The following MAP2K1 variants were observed in gnomAD, a reference collection of about 807,000 sequenced individuals.
MAP2K1 encodes mitogen-activated protein kinase kinase 1.
Under a neutral mutation model 46.3 loss-of-function variants are expected in MAP2K1, and 16 were observed. The ratio of observed to expected loss-of-function variants is 0.35; its 90% CI spans 0.23 to 0.52. The LOEUF (loss-of-function observed/expected upper bound fraction) is 0.52, where lower values mean the gene tolerates loss of function less well. Ranked by LOEUF, MAP2K1 falls within the 20% of genes least tolerant of loss-of-function variation. The pLI is 0.94. For synonymous variants in MAP2K1, 183 were observed against 185.6 expected (o/e 0.99, Z 0.11); for missense variants, 263 against 497.1 (o/e 0.53, Z 4.48).
intron 2 of MAP2K1, 78 bp from the exon 3 acceptor site, chr15:66,436,668 C>A: frequency 7.1e-7 from 1 of 1,409,194 alleles, no homozygotes; most frequent in Non-Finnish European, 1.0e-6. Context: ...AGAGCTTAAA[C>A]ATTTAACAAG....
intron 3 of MAP2K1, among the ~76,000 whole-genome samples, chr15:66,441,313 G>A (rs1222438718): frequency 6.6e-6 from 1 of 152,168 alleles, no homozygotes; most frequent in Non-Finnish European, 1.5e-5. Flanking sequence ...ACCCCCAGGG[G>A]AAGTGTAAAC....
chr15:66,448,171 A>AAAC (rs1891929663), intron 5 of MAP2K1, among the ~76,000 whole-genome samples: 3 of 151,522 alleles, frequency 2.0e-5, no homozygotes, highest in Admixed American at 6.6e-5. Flanking sequence ...AAAAAAAAAA[A>AAAC]AACCCACTAT....
chr15:66,484,900 C>A, intron 6 of MAP2K1, 90 bp from the exon 7 acceptor site: 1 of 1,080,136 alleles, frequency 9.3e-7, no homozygotes, highest in Non-Finnish European at 1.4e-6. Flanking sequence ...AGGATATGAA[C>A]TATTGAGAAG....
chr15:66,407,815 C>T (rs2093401459), intron 1 of MAP2K1, among the ~76,000 whole-genome samples: 1 of 152,152 alleles, frequency 6.6e-6, no homozygotes. Context: ...ACACCCCAGC[C>T]TGGCCAACAG....
At chr15:66,388,414 A>T (rs780425089) in intron 1 of MAP2K1, among the ~76,000 whole-genome samples, 2 of 152,088 alleles carry the variant, frequency 1.3e-5, no homozygotes, top group Non-Finnish European at 2.9e-5. Flanking sequence ...TTCAATAAGG[A>T]TTGGGTTCTT....
At position 66,485,173 on chromosome 15, in the gene MAP2K1, C is replaced by T. The variant is rs918690546; in HGVS notation, c.877C>T (p.Pro293Ser). ...AAETPPRPRT[P>S]GRPLSSYGMD... Reference sequence around the variant, plus strand: ...TGAGACCCCACCCAGGCCAAGGACCCCCGGGAGGCCCCTTAGCTGTGAGTA... The same window carrying T: ...TGAGACCCCACCCAGGCCAAGGACCTCCGGGAGGCCCCTTAGCTGTGAGTA... The change falls in exon 7 of 11, where the codon CCC becomes TCC. Residue 293 changes from proline (P) to serine (S), a missense_variant. Coordinates refer to ENST00000307102, the MANE Select transcript of MAP2K1 (RefSeq NM_002755.4). 6.2e-7 allele frequency: 1 copy of T among 1,613,808 alleles called. No individual in the cohort carries two copies. Among genetic ancestry groups the T allele is most frequent in the East Asian group, 2.2e-5 (1 of 44,860 alleles).
In MAP2K1 at chr15:66,392,375, C is replaced by T. The variant is rs565926440; in HGVS notation, c.80+4948C>T. On this transcript the variant is annotated intron_variant, in intron 1 of 10. Coordinates refer to ENST00000307102, the MANE Select transcript of MAP2K1 (RefSeq NM_002755.4). ...TGATTGTTTTGTAGAGATGGGGTTT[C>T]ACCATGTTGCTCAGGCTGGTCTTGA... 2.8e-5 allele frequency among the ~76,000 whole-genome samples: 4 copies of T among 141,240 alleles called. No homozygotes were observed. The South Asian group carries it at 9.5e-4, about 34-fold the overall frequency. The allele number at this position is 141,240 out of a possible 152,430, so 92.7% of individuals were successfully genotyped here.
At chr15:66,489,693 C>T in intron 9 of MAP2K1, 25 bp from the exon 10 acceptor site, 1 of 1,601,614 alleles carries the variant, frequency 6.2e-7, no homozygotes. Context: ...GGCAACAGCT[C>T]TTACCTTGTC....
At chr15:66,399,634 TCG>T (rs1315727316) in intron 1 of MAP2K1, among the ~76,000 whole-genome samples, 1 of 152,098 alleles carries the variant, frequency 6.6e-6, no homozygotes, top group Non-Finnish European at 1.5e-5. Flanking sequence ...TTTTTCACTC[TCG>T]CCCAGGCTGG....
intron 1 of MAP2K1, among the ~76,000 whole-genome samples, chr15:66,431,265 T>C (rs1189969741): frequency 6.6e-6 from 1 of 152,206 alleles, no homozygotes; most frequent in Non-Finnish European, 1.5e-5. Context: ...CTCTGTCTTA[T>C]ATCCTTTGCT....
rs1221333822 is a variant in MAP2K1 at position 66,481,780 on chromosome 15, C to T, written c.594C>T (p.Val198=). 1 of 1,613,260 alleles carries T rather than the reference C, an allele frequency of 6.2e-7. No individual in the cohort carries two copies. The highest frequency in any genetic ancestry group is 2.2e-5 in the East Asian group (1 of 44,888). Residue 198 remains valine (V), a synonymous_variant, in exon 6 of 11, where the codon GTC becomes GTT. Transcript: ENST00000307102. ...ATGTCAAGCCCTCCAACATCCTAGTCAACTCCCGTGGGGAGATCAAGCTCT... is the reference window on the plus strand; with the variant it reads ...ATGTCAAGCCCTCCAACATCCTAGTTAACTCCCGTGGGGAGATCAAGCTCT... The part of the protein sequence containing the change: ...HRDVKPSNIL[V]NSRGEIKLCD...
At chr15:66,479,740 G>A (rs1476849718) in intron 5 of MAP2K1, among the ~76,000 whole-genome samples, 1 of 152,164 alleles carries the variant, frequency 6.6e-6, no homozygotes, top group Non-Finnish European at 1.5e-5. Context: ...GCTTAGAGTG[G>A]TGAGGCAGAC....
At chr15:66,401,817 G>A in intron 1 of MAP2K1, 1 of 531,156 alleles carries the variant, frequency 1.9e-6, no homozygotes, top group South Asian at 1.5e-5. Flanking sequence ...GAATGGAGGG[G>A]CGTGGCAGGA....
At chr15:66,432,871 A>G (rs535492567) in intron 1 of MAP2K1, among the ~76,000 whole-genome samples, 1 of 152,198 alleles carries the variant, frequency 6.6e-6, no homozygotes, top group East Asian at 1.9e-4. Flanking sequence ...GACTTAATAA[A>G]TGTAAAGCAC....
rs58738231 is a variant in MAP2K1, at chr15:66,424,791, CTTTTTTTTTT to C, written c.81-10222_81-10213del. ...CTCATTGTCTTGATCCAATCTCAAT[CTTTTTTTTTT>C]TTTTTTTTTTTTTGCGATGGAATTT... On this transcript the variant is annotated intron_variant, in intron 1 of 10. Coordinates refer to ENST00000307102, the MANE Select transcript of MAP2K1 (RefSeq NM_002755.4). Among the ~76,000 whole-genome samples the C allele has an allele frequency of 2.5e-3, 209 of 82,160 alleles. 2 individuals are homozygous for C. The highest frequency in any genetic ancestry group is 8.7e-3 in the South Asian group (17 of 1,944). The allele number at this position is 82,160 out of a possible 152,430, so 53.9% of individuals were successfully genotyped here. A position where few individuals can be genotyped will look rare whatever the true frequency, so the allele number is the denominator to read the frequency against.
rs2140598285 is a variant in MAP2K1, at chr15:66,443,353, T to C, written c.512T>C (p.Ile171Thr). ...IPEQILGKVS[I>T]AVIKGLTYLR... ...GAACAAATTTTAGGAAAAGTTAGCA[T>C]TGCTGTGAGTATGTTATGAAGTTTT... Residue 171 changes from isoleucine (I) to threonine (T), a missense_variant, in exon 4 of 11, where the codon ATT becomes ACT. Transcript: ENST00000307102. 1.3e-6 allele frequency: 2 copies of C among 1,597,104 alleles called. No homozygotes were observed. The highest frequency in any genetic ancestry group is 1.7e-6 in the Non-Finnish European group (2 of 1,164,538).
chr15:66,418,373 A>C (rs2093429312), intron 1 of MAP2K1, among the ~76,000 whole-genome samples: 1 of 152,228 alleles, frequency 6.6e-6, no homozygotes, highest in African/African-American at 2.4e-5. Context: ...CCCTCATTGA[A>C]GAGCAAACTG....
At chr15:66,398,875 G>T (rs1000063731) in intron 1 of MAP2K1, among the ~76,000 whole-genome samples, 17 of 151,704 alleles carry the variant, frequency 1.1e-4, no homozygotes, top group Non-Finnish European at 2.4e-4. Context: ...CCGGGTTCAA[G>T]TGATTCTTGT....
chr15:66,477,464 G>C (rs1467257817), intron 5 of MAP2K1, among the ~76,000 whole-genome samples: 1 of 152,206 alleles, frequency 6.6e-6, no homozygotes, highest in Non-Finnish European at 1.5e-5. Context: ...ATAACATGGT[G>C]TGCTGCTTAT....
Sources: gnomAD v4.1 joint callset for allele counts (sites outside exome capture counted in the v4.1 genomes callset) on GRCh38, gnomAD v4.1.1 for gene constraint, MANE v1.5 for transcripts, NCBI Gene and HGNC (gene_info 2026-07-23, HGNC 2026-07-21) for gene names.